Variants in MOB1A observed in about 807,000 individuals in gnomAD.
MOB1A encodes MOB1 Mps One Binder homolog A.
In MOB1A, 10 loss-of-function variants were observed where a neutral mutation model predicts 25.1. The ratio of observed to expected loss-of-function variants is 0.40; its 90% CI spans 0.25 to 0.68. The LOEUF is 0.68. MOB1A is among the 30% of genes least tolerant of loss of function. The pLI is 0.40. For missense variants in MOB1A, 177 were observed against 256.3 expected, an observed-to-expected ratio of 0.69 and a Z score of 2.11; for synonymous variants, 81 against 79.5, an observed-to-expected ratio of 1.02 and a Z score of -0.10.
chr2:74,177,171 G>A (rs1272557913), intron 1 of MOB1A, among the ~76,000 whole-genome samples: 1 of 152,046 alleles, frequency 6.6e-6, no homozygotes, highest in Non-Finnish European at 1.5e-5. Flanking sequence ...AAATGAGCCA[G>A]GTGTGGTGGC....
At chr2:74,156,899 C>T (rs1692821751) in intron 5 of MOB1A, among the ~76,000 whole-genome samples, 1 of 151,834 alleles carries the variant, frequency 6.6e-6, no homozygotes, top group South Asian at 2.1e-4. Context: ...CATCCCAAAT[C>T]CCAAAGTGCT....
intron 3 of MOB1A, among the ~76,000 whole-genome samples, chr2:74,166,382 CATAA>C (rs1693128885): frequency 6.6e-6 from 1 of 152,010 alleles, no homozygotes; most frequent in Admixed American, 6.6e-5. Context: ...AAACAGGAAA[CATAA>C]ATGTTATTAA....
chr2:74,175,517 T>C (rs970762922), intron 1 of MOB1A, among the ~76,000 whole-genome samples: 5 of 152,196 alleles, frequency 3.3e-5, no homozygotes, highest in Non-Finnish European at 7.4e-5. Context: ...AAGTGTAACA[T>C]TTTGGGAGGG....
At chr2:74,166,471 C>T (rs1050535435) in intron 3 of MOB1A, among the ~76,000 whole-genome samples, 16 of 152,148 alleles carry the variant, frequency 1.1e-4, no homozygotes, top group African/African-American at 3.6e-4. Context: ...TATAATAAAA[C>T]ATTCAGACTT....
In MOB1A at chr2:74,152,650, C is replaced by CT. The variant is rs778737129; in HGVS notation, c.*3917dup. On this transcript the variant is annotated 3_prime_UTR_variant, in exon 6 of 6. Coordinates refer to ENST00000396049, the MANE Select transcript of MOB1A (RefSeq NM_018221.5). ...AAGTTACAAAAGTAGATACAAAATA[C>CT]TTTTTTTAGAAGTACAGTTAACTGA... 17 of 152,102 alleles carry CT rather than the reference C, an allele frequency of 1.1e-4. No individual in the cohort carries two copies. The highest frequency in any genetic ancestry group is 3.9e-4 in the Admixed American group (6 of 15,272). 9.4% of individuals were successfully genotyped at this position (152,102 alleles called of 1,614,324 possible). A position where few individuals can be genotyped will look rare whatever the true frequency, so the allele number is the denominator to read the frequency against.
chr2:74,155,609 A>G lies in MOB1A; in HGVS notation c.*959T>C, dbSNP rs1692783656. On this transcript the variant is annotated 3_prime_UTR_variant, in exon 6 of 6. Transcript: ENST00000396049. ...GGCTCAAGAGACAATAAAAACATAG[A>G]AGTAATTTTTTAATAAAAGGAAATA... The G allele has an allele frequency of 6.6e-6, 1 of 152,618 alleles. No individual in the cohort carries two copies. The highest frequency in any genetic ancestry group is 1.5e-5 in the Non-Finnish European group (1 of 68,002). The allele number at this position is 152,618 out of a possible 1,614,324, so 9.5% of individuals were successfully genotyped here.
intron 2 of MOB1A, among the ~76,000 whole-genome samples, chr2:74,169,331 G>A (rs569657723): frequency 1.3e-5 from 2 of 151,838 alleles, no homozygotes; most frequent in East Asian, 1.9e-4. Flanking sequence ...CCAAAACCCC[G>A]TCTCTACTGA....
intron 1 of MOB1A, among the ~76,000 whole-genome samples, chr2:74,176,826 T>C (rs1377053707): frequency 6.6e-6 from 1 of 151,274 alleles, no homozygotes; most frequent in Non-Finnish European, 1.5e-5. Context: ...GGACCCCTCA[T>C]AGAGTACTTA....
intron 2 of MOB1A, among the ~76,000 whole-genome samples, chr2:74,171,125 C>A (rs1325252807): frequency 6.6e-6 from 1 of 150,918 alleles, no homozygotes; most frequent in African/African-American, 2.4e-5. Flanking sequence ...ACTAAAAATA[C>A]AAAAATTAGC....
intron 2 of MOB1A, among the ~76,000 whole-genome samples, chr2:74,172,239 G>C (rs1490003158): frequency 6.6e-6 from 1 of 152,180 alleles, no homozygotes; most frequent in Non-Finnish European, 1.5e-5. Flanking sequence ...TGCTGGGAGT[G>C]GAAGTAAAAC....
chr2:74,159,555 A>G (rs1692901314), intron 4 of MOB1A, among the ~76,000 whole-genome samples: 1 of 151,990 alleles, frequency 6.6e-6, no homozygotes, highest in African/African-American at 2.4e-5. Context: ...TTAAAGTGCT[A>G]GGATTACAGG....
intron 4 of MOB1A, among the ~76,000 whole-genome samples, chr2:74,159,771 C>CTAAAT (rs147283290): frequency 0.011 from 1,614 of 151,942 alleles, 22 homozygotes; most frequent in African/African-American, 0.037. Flanking sequence ...TAAGATGCTG[C>CTAAAT]TAAATCAAAG....
chr2:74,158,512 G>A (rs1480889316), intron 5 of MOB1A, among the ~76,000 whole-genome samples: 3 of 151,978 alleles, frequency 2.0e-5, no homozygotes, highest in Admixed American at 6.6e-5. Flanking sequence ...AATTCTGGCC[G>A]GGTGCTGTGG....
chr2:74,165,147 C>T, intron 4 of MOB1A, 71 bp downstream of exon 4: 2 of 1,238,094 alleles, frequency 1.6e-6, no homozygotes, highest in Non-Finnish European at 2.2e-6. Context: ...CAGCAAACCC[C>T]CCCAACTCTA....
At chr2:74,161,049 G>C (rs1238635505) in intron 4 of MOB1A, among the ~76,000 whole-genome samples, 12 of 152,164 alleles carry the variant, frequency 7.9e-5, no homozygotes, top group Admixed American at 7.9e-4. Flanking sequence ...GGCAGAGTGA[G>C]ACTCCATCTC....
intron 4 of MOB1A, chr2:74,164,967 G>A (rs772882936): frequency 4.7e-6 from 1 of 212,516 alleles, no homozygotes; most frequent in Non-Finnish European, 9.2e-6. Context: ...ACTTTTTGGA[G>A]GAGAATTTGG....
intron 1 of MOB1A, among the ~76,000 whole-genome samples, chr2:74,175,228 C>T (rs1693417646): frequency 6.6e-6 from 1 of 152,216 alleles, no homozygotes; most frequent in African/African-American, 2.4e-5. Context: ...TCACTCTCTC[C>T]CATTACCCCC....
chr2:74,156,501 C>G lies in MOB1A; in HGVS notation c.*67G>C. ...TAAAGTTTGTATCACTAGTCTATAACAGATAGCAATGAGATAGTTCTAGCA... is the reference window on the plus strand; with the variant it reads ...TAAAGTTTGTATCACTAGTCTATAAGAGATAGCAATGAGATAGTTCTAGCA... On this transcript the variant is annotated 3_prime_UTR_variant, in exon 6 of 6. Transcript: ENST00000396049. 1 of 1,146,534 alleles carries G rather than the reference C, an allele frequency of 8.7e-7. No homozygotes were observed. Among genetic ancestry groups the G allele is most frequent in the Non-Finnish European group, 1.3e-6 (1 of 779,032 alleles). 71.0% of individuals were successfully genotyped at this position (1,146,534 alleles called of 1,614,324 possible).
intron 2 of MOB1A, among the ~76,000 whole-genome samples, chr2:74,172,211 A>T (rs1192074386): frequency 1.3e-5 from 2 of 152,238 alleles, no homozygotes; most frequent in Admixed American, 1.3e-4. Context: ...TTTTCTGGAT[A>T]TGCAGGCTGA....
Sources: allele counts gnomAD v4.1 joint callset (sites outside exome capture counted in the v4.1 genomes callset), GRCh38; gene constraint gnomAD v4.1.1; transcripts MANE v1.5; gene names NCBI Gene and HGNC (gene_info 2026-07-23, HGNC 2026-07-21).